VWF: variants seen among roughly 807,000 people sequenced by gnomAD.
The protein encoded by VWF is Factor VIII related antigen.
A neutral mutation model predicts 308.6 loss-of-function variants in VWF; 176 were observed. The ratio of observed to expected loss-of-function variants is 0.57; its 90% CI spans 0.50 to 0.65. The LOEUF (loss-of-function observed/expected upper bound fraction) is 0.65. Ranked by LOEUF, VWF falls within the 30% of genes least tolerant of loss-of-function variation. The pLI is 0.00. For synonymous variants in VWF, 1,385 were observed against 1,443.4 expected (o/e 0.96, Z 0.92); for missense variants, 3,146 against 3,648.2 (o/e 0.86, Z 3.55).
intron 34 of VWF, among the ~76,000 whole-genome samples, chr12:6,007,068 A>G (rs1943937180): frequency 6.6e-6 from 1 of 152,248 alleles, no homozygotes; most frequent in Admixed American, 6.5e-5. Flanking sequence ...ACATTAAAGC[A>G]CACAAATATA....
intron 16 of VWF, among the ~76,000 whole-genome samples, chr12:6,051,806 C>A (rs1944516973): frequency 6.6e-6 from 1 of 152,062 alleles, no homozygotes; most frequent in African/African-American, 2.4e-5. Flanking sequence ...GGGACAGGGC[C>A]TCACTATGTT....
chr12:5,982,688 G>A (rs1319914563), intron 41 of VWF, among the ~76,000 whole-genome samples: 1 of 152,074 alleles, frequency 6.6e-6, no homozygotes, highest in Non-Finnish European at 1.5e-5. Flanking sequence ...TTCTTGTCGT[G>A]TCTTATTTTA....
chr12:5,998,995 T>C (rs1474029856), intron 34 of VWF, among the ~76,000 whole-genome samples: 1 of 152,194 alleles, frequency 6.6e-6, no homozygotes, highest in East Asian at 1.9e-4. Flanking sequence ...AGTGCTGGGA[T>C]TACAGGCGTG....
chr12:6,059,655 A>C (rs1475298199), intron 13 of VWF, among the ~76,000 whole-genome samples: 3 of 152,196 alleles, frequency 2.0e-5, no homozygotes, highest in Non-Finnish European at 2.9e-5. Context: ...AAAGGGCACA[A>C]ATCTCATTCT....
chr12:5,980,082 AAAAGAAAGAAAGG>A (rs1437734017), intron 42 of VWF, among the ~76,000 whole-genome samples: 1 of 109,618 alleles, frequency 9.1e-6, no homozygotes, highest in Admixed American at 1.0e-4. Context: ...AGAAAGAAAG[AAAAGAAAGAAAGG>A]AAGGAAGGAA....
intron 47 of VWF, among the ~76,000 whole-genome samples, chr12:5,964,483 C>T (rs755704599): frequency 6.6e-5 from 10 of 152,136 alleles, no homozygotes; most frequent in African/African-American, 1.2e-4. Context: ...TTGTGAGAAA[C>T]CAACTCTGTT....
At chr12:6,043,925 C>G (rs1440848088) in intron 18 of VWF, among the ~76,000 whole-genome samples, 5 of 152,078 alleles carry the variant, frequency 3.3e-5, no homozygotes, top group African/African-American at 9.7e-5. Context: ...TATATGTGTC[C>G]CTCCATTTTC....
At chr12:5,981,379 T>C (rs61909701) in intron 42 of VWF, among the ~76,000 whole-genome samples, 41,213 of 152,150 alleles carry the variant, frequency 0.27, 6,629 homozygotes, top group Non-Finnish European at 0.35. Flanking sequence ...TATGTATAAC[T>C]ATTAACTGAT....
At chr12:6,074,694 A>G (rs1037709019) in intron 7 of VWF, among the ~76,000 whole-genome samples, 1 of 152,064 alleles carries the variant, frequency 6.6e-6, no homozygotes. Flanking sequence ...ATCCGTCTGC[A>G]TGGCTTTTAA....
Position 5,957,550 on chromosome 12 carries a change from A to G in VWF, c.7888-3956T>C, listed in dbSNP as rs1943265130. Among the ~76,000 whole-genome samples, 4 of 152,072 alleles carry G rather than the reference A, an allele frequency of 2.6e-5. No homozygotes were observed. The South Asian group carries it at 8.3e-4, about 31-fold the overall frequency. On this transcript the variant is annotated intron_variant, in intron 47 of 51. Transcript: ENST00000261405. ...AGGGGGGAAATGCATACAGGAAAAC[A>G]ACAATAAAAATGGCGGCTGACTGGT... is the stretch of plus-strand genomic sequence containing the variant.
rs61748474 is a variant in VWF at position 6,044,374 on chromosome 12, C to T, written c.2359G>A (p.Glu787Lys). The stretch of plus-strand genomic sequence containing the variant: ...TAGTTCTGGCACGTTTTGGTACACT[C>T]GAGCCCTTCAGCCCGCAGGTTGTCA... ...PADNLRAEGL[E>K]CTKTCQNYDL... Residue 787 changes from glutamate to lysine, a missense_variant, in exon 18 of 52, where the codon GAG becomes AAG. Transcript: ENST00000261405. 3.7e-6 allele frequency: 6 copies of T among 1,614,168 alleles called. No homozygotes were observed. Among genetic ancestry groups the T allele is most frequent in the Non-Finnish European group, 5.1e-6 (6 of 1,180,016 alleles).
At chr12:5,959,098 G>C (rs1322709982) in intron 47 of VWF, among the ~76,000 whole-genome samples, 1 of 151,900 alleles carries the variant, frequency 6.6e-6, no homozygotes, top group Non-Finnish European at 1.5e-5. Flanking sequence ...TCTCAGCTAG[G>C]TGGGAGGCTG....
chr12:5,959,258 A>T (rs75505364), intron 47 of VWF, among the ~76,000 whole-genome samples: 6,801 of 152,282 alleles, frequency 0.045, 205 homozygotes, highest in South Asian at 0.12. Context: ...ATGACAAAAG[A>T]ATAGATTCAT....
chr12:5,955,779 GA>G (rs1191630436), intron 47 of VWF, among the ~76,000 whole-genome samples: 2 of 151,914 alleles, frequency 1.3e-5, no homozygotes, highest in Non-Finnish European at 2.9e-5. Flanking sequence ...GAAACTTTAG[GA>G]AAAAAATCAA....
Position 6,057,865 on chromosome 12 carries a change from G to C in VWF, c.1713C>G (p.Ala571=). 6.2e-7 allele frequency: 1 copy of C among 1,609,500 alleles called. No homozygotes were observed. The highest frequency in any genetic ancestry group is 8.5e-7 in the Non-Finnish European group (1 of 1,177,796). The change falls in exon 14 of 52, where the codon GCC becomes GCG. Residue 571 remains alanine, a synonymous_variant. Transcript: ENST00000261405. ...TTCACATACTCATGCGCGGGTTGAG[G>C]GCGCAGGGATCGCTGTGCTGCTTCT... is the stretch of plus-strand genomic sequence containing the variant. ...DLQKQHSDPC[A]LNPRMTRFSE...
chr12:6,034,585 A>C, intron 20 of VWF, 103 bp downstream of exon 20: 1 of 1,571,844 alleles, frequency 6.4e-7, no homozygotes, highest in South Asian at 1.1e-5. Context: ...ACCAGACCCC[A>C]GAGTTGTTTC....
intron 6 of VWF, among the ~76,000 whole-genome samples, chr12:6,088,756 G>C (rs535188683): frequency 9.9e-5 from 15 of 152,156 alleles, no homozygotes; most frequent in Non-Finnish European, 1.5e-4. Context: ...TCAATTATCT[G>C]AATGTTCATA....
Position 5,948,915 on chromosome 12 carries a change from G to A in VWF, c.*100C>T. ...GAGCTCAGCCTTTATTGTGGGCTCA[G>A]AAGGGCACAAGAGCAGAACATGCAG... is the stretch of plus-strand genomic sequence containing the variant. On this transcript the variant is annotated 3_prime_UTR_variant, in exon 52 of 52. Transcript: ENST00000261405. The surrounding 1 kb of genome is among the most constrained non-coding windows in gnomAD (Gnocchi z 4.4). 2 of 1,375,910 alleles carry A rather than the reference G, an allele frequency of 1.5e-6. No individual in the cohort carries two copies. Among genetic ancestry groups the A allele is most frequent in the Non-Finnish European group, 2.0e-6 (2 of 989,896 alleles). 85.2% of individuals were successfully genotyped at this position (1,375,910 alleles called of 1,614,324 possible). A position where few individuals can be genotyped will look rare whatever the true frequency, so the allele number is the denominator to read the frequency against.
At chr12:5,956,008 A>G (rs1943245747) in intron 47 of VWF, among the ~76,000 whole-genome samples, 1 of 152,210 alleles carries the variant, frequency 6.6e-6, no homozygotes, top group Non-Finnish European at 1.5e-5. Flanking sequence ...TTAATAATAA[A>G]CAGTCATGGG....
Sources: gnomAD v4.1 joint callset for allele counts (sites outside exome capture counted in the v4.1 genomes callset) on GRCh38, gnomAD v4.1.1 for gene constraint, Gnocchi (gnomAD v3.1) non-coding constraint, MANE v1.5 for transcripts, NCBI Gene and HGNC (gene_info 2026-07-23, HGNC 2026-07-21) for gene names.